The following RARB variants were observed in gnomAD, a reference collection of about 807,000 sequenced individuals.
RARB encodes the protein HBV-activated protein.
In RARB, 17 loss-of-function variants were observed where a neutral mutation model predicts 51.9. The ratio of observed to expected loss-of-function variants is 0.33; its 90% CI spans 0.22 to 0.49. RARB has a LOEUF of 0.49. Among genes scored for constraint, RARB ranks in the 20% least tolerant of loss-of-function variants. The pLI is 0.99. For synonymous variants in RARB, 215 were observed against 195.4 expected, an observed-to-expected ratio of 1.10 and a Z score of -0.84; for missense variants, 369 against 550.8, an observed-to-expected ratio of 0.67 and a Z score of 3.30.
chr3:25,207,188 G>A (rs898235713), intron 5 of RARB, among the ~76,000 whole-genome samples: 7 of 152,210 alleles, frequency 4.6e-5, no homozygotes, highest in African/African-American at 1.7e-4. Flanking sequence ...GCAGAATAAT[G>A]AGGTCATTTG....
intron 5 of RARB, among the ~76,000 whole-genome samples, chr3:25,196,539 A>G (rs1446891542): frequency 1.3e-5 from 2 of 152,158 alleles, no homozygotes; most frequent in Non-Finnish European, 2.9e-5. Flanking sequence ...ATACGTGGGC[A>G]TGTGTCTTTA....
chr3:25,295,119 T>G (rs1703886644), intron 5 of RARB, among the ~76,000 whole-genome samples: 1 of 152,238 alleles, frequency 6.6e-6, no homozygotes, highest in Non-Finnish European at 1.5e-5. Flanking sequence ...GGCAACATGG[T>G]ACAGTAGTTA....
intron 2 of RARB, among the ~76,000 whole-genome samples, chr3:24,865,498 G>A (rs1702830229): frequency 6.6e-6 from 1 of 152,104 alleles, no homozygotes; most frequent in Non-Finnish European, 1.5e-5. Flanking sequence ...CAATAACAAT[G>A]TCATGTAACA....
intron 5 of RARB, among the ~76,000 whole-genome samples, chr3:25,322,452 T>G (rs9822411): frequency 2.0e-5 from 3 of 152,046 alleles, no homozygotes; most frequent in African/African-American, 7.2e-5. Context: ...AAGTTCTGAT[T>G]TTCTTACTGG....
At chr3:25,456,680 TATAGAGAGAGAGAG>T (rs1264048579) in intron 1 of RARB, among the ~76,000 whole-genome samples, 64 of 99,970 alleles carry the variant, frequency 6.4e-4, no homozygotes, top group African/African-American at 1.5e-3. Flanking sequence ...TATATATATA[TATAGAGAGAGAGAG>T]AGAGAGAGAG....
upstream of RARB, among the ~76,000 whole-genome samples, chr3:25,425,700 A>G (rs1466847120): frequency 6.6e-6 from 1 of 152,176 alleles, no homozygotes; most frequent in Non-Finnish European, 1.5e-5. Flanking sequence ...GAGACACACT[A>G]ATGTTGTTAT....
intron 5 of RARB, among the ~76,000 whole-genome samples, chr3:25,312,918 C>T (rs116505900): frequency 1.0e-3 from 156 of 152,296 alleles, no homozygotes; most frequent in Middle Eastern, 6.8e-3. Context: ...CTTTTCATCA[C>T]ACTACACTGC....
chr3:24,873,664 C>T (rs562852798), intron 2 of RARB, among the ~76,000 whole-genome samples: 140 of 146,030 alleles, frequency 9.6e-4, no homozygotes, highest in African/African-American at 3.3e-3. Context: ...TCAGTCTTCC[C>T]TTTTTTTTTT....
At chr3:25,020,098 A>G (rs1697596352) in intron 2 of RARB, 1 of 148,238 alleles carries the variant, frequency 6.7e-6, no homozygotes, top group South Asian at 2.1e-4. Context: ...TGTATACTCA[A>G]GTTCTCTATT....
At chr3:24,965,248 C>T (rs1485608219) in intron 2 of RARB, among the ~76,000 whole-genome samples, 1 of 151,816 alleles carries the variant, frequency 6.6e-6, no homozygotes, top group Non-Finnish European at 1.5e-5. Flanking sequence ...TATCTGGGTG[C>T]CTAGGAGAGT....
intron 2 of RARB, among the ~76,000 whole-genome samples, chr3:25,469,830 A>G (rs1214973982): frequency 6.6e-6 from 1 of 152,258 alleles, no homozygotes; most frequent in Non-Finnish European, 1.5e-5. Context: ...TTGGAGGCAG[A>G]AAACATGAGA....
intron 3 of RARB, among the ~76,000 whole-genome samples, chr3:25,530,597 C>T (rs987430502): frequency 1.3e-5 from 2 of 152,220 alleles, no homozygotes; most frequent in African/African-American, 2.4e-5. Context: ...GTCTTTCTCA[C>T]ATTACATTGC....
intron 3 of RARB, among the ~76,000 whole-genome samples, chr3:25,113,833 A>C (rs1011460215): frequency 7.9e-5 from 12 of 152,120 alleles, no homozygotes; most frequent in Non-Finnish European, 1.6e-4. Flanking sequence ...AGCAGAGAAC[A>C]GGAGAGGCTG....
chr3:25,278,707 C>T (rs1297090741), intron 5 of RARB, among the ~76,000 whole-genome samples: 1 of 152,134 alleles, frequency 6.6e-6, no homozygotes, highest in African/African-American at 2.4e-5. Context: ...ATAGCAGCCC[C>T]GTTACAAGGC....
At chr3:25,234,412 G>T (rs183927642) in intron 5 of RARB, among the ~76,000 whole-genome samples, 8 of 152,064 alleles carry the variant, frequency 5.3e-5, no homozygotes, top group Non-Finnish European at 1.2e-4. Flanking sequence ...CTCTCTGTTT[G>T]TCAGTCTGGC....
chr3:25,592,668 AG>A (rs1701656991), intron 5 of RARB, among the ~76,000 whole-genome samples: 2 of 152,336 alleles, frequency 1.3e-5, no homozygotes, highest in East Asian at 3.9e-4. Context: ...GGGGGCCAAC[AG>A]GGTTATGTGT....
intron 3 of RARB, among the ~76,000 whole-genome samples, chr3:25,521,927 A>G (rs1258802897): frequency 1.3e-5 from 2 of 152,086 alleles, no homozygotes; most frequent in Non-Finnish European, 1.5e-5. Context: ...CAAATACAGT[A>G]GAGAGAGAGC....
chr3:25,190,326 T>C (rs1273450523), intron 5 of RARB, among the ~76,000 whole-genome samples: 1 of 151,946 alleles, frequency 6.6e-6, no homozygotes, highest in Non-Finnish European at 1.5e-5. Context: ...ACAAAAACAC[T>C]CAAGGGAGAG....
intron 3 of RARB, among the ~76,000 whole-genome samples, chr3:25,108,923 CTG>C (rs1427806086): frequency 6.6e-6 from 1 of 152,058 alleles, no homozygotes; most frequent in Non-Finnish European, 1.5e-5. Flanking sequence ...AGTGGGTACT[CTG>C]TATAAAATTA....
Sources: gnomAD v4.1 joint callset for allele counts (sites outside exome capture counted in the v4.1 genomes callset) on GRCh38, gnomAD v4.1.1 for gene constraint, MANE v1.5 for transcripts, NCBI Gene and HGNC (gene_info 2026-07-23, HGNC 2026-07-21) for gene names.